A2ML1: variants seen among roughly 807,000 people sequenced by gnomAD.
A2ML1 encodes the protein alpha-2-macroglobulin like 1.
Under a neutral mutation model 181.9 loss-of-function variants are expected in A2ML1, and 161 were observed. That is an observed-to-expected ratio of 0.89 (90% CI 0.78 to 1.01). A2ML1 has a LOEUF of 1.01. A2ML1 is among the 50% of genes least tolerant of loss of function. The pLI, the probability that A2ML1 is intolerant of heterozygous loss-of-function variation, is 0.00. For missense variants in A2ML1, 1,670 were observed against 1,768.1 expected (o/e 0.94, Z 1.00); for synonymous variants, 663 against 666.8 (o/e 0.99, Z 0.09).
In A2ML1 at chr12:8,868,635, A is replaced by C. The variant is rs747413216; in HGVS notation, c.4152+8A>C. On this transcript the variant is annotated splice_region_variant and intron_variant, in intron 32 of 35. Transcript: ENST00000299698. ...GAGGGCACCAATCAGTTAGTAAGTT[A>C]CTTCTGTTTTCTTCATTTATCTAGC... is the stretch of plus-strand genomic sequence containing the variant. 1 of 1,610,562 alleles carries C rather than the reference A, an allele frequency of 6.2e-7. No homozygotes were observed. Among genetic ancestry groups the C allele is most frequent in the Non-Finnish European group, 8.5e-7 (1 of 1,178,862 alleles).
intron 5 of A2ML1, 122 bp downstream of exon 5, chr12:8,834,804 C>A (rs944948023): frequency 5.7e-6 from 7 of 1,221,146 alleles, no homozygotes; most frequent in Non-Finnish European, 8.2e-6. Flanking sequence ...TGACTCTGCC[C>A]AGCACCGAGC....
At chr12:8,884,231 GT>G (rs796251871) in intron 7 of A2ML1, among the ~76,000 whole-genome samples, 10 of 121,578 alleles carry the variant, frequency 8.2e-5, no homozygotes, top group Non-Finnish European at 1.2e-4. Context: ...TTTATTTTTT[GT>G]TTTTTTTTGT....
intron 16 of A2ML1, 126 bp downstream of exon 16, chr12:8,849,040 G>C: frequency 9.4e-7 from 1 of 1,064,174 alleles, no homozygotes. Flanking sequence ...CTTGAAAGAA[G>C]CTTCTGACGT....
chr12:8,871,862 T>C (rs1195803955), intron 33 of A2ML1, among the ~76,000 whole-genome samples: 1 of 151,996 alleles, frequency 6.6e-6, no homozygotes, highest in African/African-American at 2.4e-5. Context: ...TCCCTTGCCT[T>C]GGGTGCCATT....
In A2ML1 at chr12:8,868,004, GT is replaced by G; in HGVS notation, c.3881del (p.Val1294AlafsTer21). 6.2e-7 allele frequency: 1 copy of G among 1,614,238 alleles called. No homozygotes were observed. Among genetic ancestry groups the G allele is most frequent in the African/African-American group, 1.3e-5 (1 of 75,056 alleles). On this transcript the variant is annotated frameshift_variant, in exon 30 of 36. Coordinates refer to ENST00000299698, the MANE Select transcript of A2ML1 (RefSeq NM_144670.6). LOFTEE classifies it high-confidence loss of function. ...LVFQQDTLPN[V>X]PGMYTLEASG... is the part of the protein sequence containing the mutation. ...ATTTCAGCAGGATACCCTGCCCAAT[GT>G]CCCTGGAATGTACACGTTGGAGGCC... is the stretch of plus-strand genomic sequence containing the variant.
At chr12:8,837,707 C>G in intron 8 of A2ML1, 141 bp downstream of exon 8, 1 of 911,912 alleles carries the variant, frequency 1.1e-6, no homozygotes, top group Non-Finnish European at 1.5e-6. Context: ...TGGGGAAACC[C>G]CGTCTCTATT....
chr12:8,874,315 G>A (rs1021279754), intron 33 of A2ML1, 110 bp from the exon 34 acceptor site: 12 of 818,912 alleles, frequency 1.5e-5, no homozygotes, highest in South Asian at 6.4e-5. Flanking sequence ...CGTGCCTGGC[G>A]GGGCTTCAGA....
chr12:8,877,216 T>C (rs35800043), downstream of A2ML1, among the ~76,000 whole-genome samples: 33,869 of 152,230 alleles, frequency 0.22, 4,161 homozygotes, highest in Middle Eastern at 0.34. Flanking sequence ...AAAGATTCTC[T>C]AGGCAATTAC....
At chr12:8,840,786 T>C (rs1943440711) in intron 10 of A2ML1, among the ~76,000 whole-genome samples, 1 of 151,624 alleles carries the variant, frequency 6.6e-6, no homozygotes. Flanking sequence ...CACGGGCCTA[T>C]AGTCCCACTA....
In A2ML1 at chr12:8,856,898, CTTTT is replaced by C. The variant is rs71891886; in HGVS notation, c.2849-250_2849-247del. Among the ~76,000 whole-genome samples, 7,589 of 124,972 alleles carry C rather than the reference CTTTT, an allele frequency of 0.061. 262 individuals are homozygous for C. Among genetic ancestry groups the C allele is most frequent in the Non-Finnish European group, 0.092 (5,696 of 61,710 alleles). 82.0% of individuals were successfully genotyped at this position (124,972 alleles called of 152,430 possible). ...GTCTTCCCAGGACACACAGTAGGTA[CTTTT>C]TTTTTTTTTTTTTTTGTATTTTTAG... On this transcript the variant is annotated intron_variant, in intron 23 of 35. Transcript: ENST00000299698.
At chr12:8,869,903 G>T (rs188469488) in intron 33 of A2ML1, among the ~76,000 whole-genome samples, 152 of 152,190 alleles carry the variant, frequency 1.0e-3, no homozygotes, top group African/African-American at 3.4e-3. Flanking sequence ...ACTGTACCTG[G>T]TATAGAGTAA....
chr12:8,851,671 G>T, intron 18 of A2ML1, 113 bp from the exon 19 acceptor site: 1 of 964,328 alleles, frequency 1.0e-6, no homozygotes, highest in Non-Finnish European at 1.6e-6. Flanking sequence ...CTCTCAAAGA[G>T]CTGGGATTAC....
At position 8,835,575 on chromosome 12, in the gene A2ML1, C is replaced by G; in HGVS notation, c.552C>G (p.Ser184=). ...CTGAGCAAGGCATTGTAGACCTGTC[C>G]TTCCAACTGGCACCAGAGGCAATGC... is the stretch of plus-strand genomic sequence containing the variant. ...VVPEQGIVDL[S]FQLAPEAMLG... Residue 184 remains serine (S), a synonymous_variant, in exon 6 of 36, where the codon TCC becomes TCG. Coordinates refer to ENST00000299698, the MANE Select transcript of A2ML1 (RefSeq NM_144670.6). 9.3e-6 allele frequency: 15 copies of G among 1,614,188 alleles called. No individual in the cohort carries two copies. The highest frequency in any genetic ancestry group is 1.3e-5 in the Non-Finnish European group (15 of 1,180,022).
chr12:8,849,977 G>A (rs1024013053), intron 17 of A2ML1, among the ~76,000 whole-genome samples, 183 bp from the exon 18 acceptor site: 10 of 152,088 alleles, frequency 6.6e-5, no homozygotes, highest in African/African-American at 2.2e-4. Context: ...AAACCTCCTT[G>A]GCTATCACTT....
At chr12:8,841,009 A>C (rs185258004) in intron 10 of A2ML1, among the ~76,000 whole-genome samples, 12 of 76,958 alleles carry the variant, frequency 1.6e-4, no homozygotes, top group Admixed American at 2.7e-4. Context: ...GAAGGAAGGA[A>C]GGACGGAAGG....
Position 8,857,348 on chromosome 12 carries a change from G to C in A2ML1, c.3025+8G>C. The C allele has an allele frequency of 6.2e-7, 1 of 1,613,750 alleles. No individual in the cohort carries two copies. Among genetic ancestry groups the C allele is most frequent in the Non-Finnish European group, 8.5e-7 (1 of 1,179,844 alleles). On this transcript the variant is annotated splice_region_variant and intron_variant, in intron 24 of 35. Transcript: ENST00000299698. ...TGGGTTTCCTGGAAATAGGTAAGTT[G>C]GTTCAGTCTTTCTTTCTTGAACACT... is the stretch of plus-strand genomic sequence containing the variant.
rs1943796716 is a variant in A2ML1 at position 8,848,936 on chromosome 12, G to T, written c.2028+22G>T. On this transcript the variant is annotated intron_variant, in intron 16 of 35. Transcript: ENST00000299698. ...CCGGGTAGGTCTTCTTACCCATTTTGTTCTTATGGGAAAGATGGTGGTGGG... is the reference window on the plus strand; with the variant it reads ...CCGGGTAGGTCTTCTTACCCATTTTTTTCTTATGGGAAAGATGGTGGTGGG... 1.9e-6 allele frequency: 3 copies of T among 1,595,888 alleles called. No homozygotes were observed. In the South Asian group the frequency reaches 3.4e-5, roughly 18 times the overall value.
At chr12:8,867,112 A>G (rs1944449247) in intron 29 of A2ML1, among the ~76,000 whole-genome samples, 1 of 152,232 alleles carries the variant, frequency 6.6e-6, no homozygotes, top group South Asian at 2.1e-4. Context: ...ACTCCTTCCA[A>G]CTGTCATGTA....
At chr12:8,857,436 A>G in intron 24 of A2ML1, 71 bp from the exon 25 acceptor site, 5 of 1,608,212 alleles carry the variant, frequency 3.1e-6, no homozygotes, top group East Asian at 2.2e-5. Flanking sequence ...CAAGTGTCCC[A>G]TATCCTTGAA....
Sources: gnomAD v4.1 joint callset for allele counts (sites outside exome capture counted in the v4.1 genomes callset) on GRCh38, gnomAD v4.1.1 for gene constraint, MANE v1.5 for transcripts, NCBI Gene and HGNC (gene_info 2026-07-23, HGNC 2026-07-21) for gene names.